The following TET1 variants were observed in gnomAD, a reference collection of about 807,000 sequenced individuals.
TET1 encodes tet methylcytosine dioxygenase 1.
TET1 carries 13 observed loss-of-function variants against 148.7 expected under a neutral mutation model. That is an observed-to-expected ratio of 0.09 (90% confidence interval 0.06 to 0.14). TET1 has a LOEUF of 0.14. TET1 is among the 10% of genes least tolerant of loss of function. The pLI is 1.00. For synonymous variants in TET1, 907 were observed against 937.2 expected (o/e 0.97, Z 0.59); for missense variants, 2,182 against 2,553.8 (o/e 0.85, Z 3.14).
intron 3 of TET1, among the ~76,000 whole-genome samples, chr10:68,632,191 G>C (rs1269192725): frequency 6.6e-6 from 1 of 151,882 alleles, no homozygotes; most frequent in South Asian, 2.1e-4. Context: ...GCGTGGTGGC[G>C]GGCGCCTGTA....
At position 68,626,092 on chromosome 10, in the gene TET1, AAAAAAG is replaced by A. The variant is rs1365253890; in HGVS notation, c.1969-18600_1969-18595del. ...GAGTAAGAACGAGACCCTATCTCAA[AAAAAAG>A]AAAAAAAAAAAGAAAAGAAAAAGAA... On this transcript the variant is annotated intron_variant, in intron 3 of 11. Coordinates refer to ENST00000373644, the MANE Select transcript of TET1 (RefSeq NM_030625.3). 1.5e-3 allele frequency among the ~76,000 whole-genome samples: 133 copies of A among 91,286 alleles called. 3 individuals are homozygous for A. The highest frequency in any genetic ancestry group is 5.1e-3 in the African/African-American group (128 of 24,860). The allele number at this position is 91,286 out of a possible 152,430, so 59.9% of individuals were successfully genotyped here.
intron 1 of TET1, among the ~76,000 whole-genome samples, chr10:68,566,269 G>A (rs1343101075): frequency 2.6e-5 from 4 of 152,274 alleles, no homozygotes; most frequent in African/African-American, 7.2e-5. Flanking sequence ...TGATACAAGA[G>A]AGAAAGCATG....
intron 2 of TET1, among the ~76,000 whole-genome samples, chr10:68,586,517 T>C (rs1564954808): frequency 6.6e-6 from 1 of 150,924 alleles, no homozygotes; most frequent in African/African-American, 2.4e-5. Context: ...TTATTTTTTG[T>C]AGAAATGTGA....
Position 68,646,896 on chromosome 10 carries a change from C to T in TET1, c.4167C>T (p.Asp1389=), listed in dbSNP as rs767278262. The T allele has an allele frequency of 9.3e-6, 15 of 1,614,034 alleles. No homozygotes were observed. The highest frequency in any genetic ancestry group is 8.5e-7 in the Non-Finnish European group (1 of 1,180,036). The change falls in exon 4 of 12, where the codon GAC becomes GAT. Residue 1389 remains aspartate (D), a synonymous_variant. Coordinates refer to ENST00000373644, the MANE Select transcript of TET1 (RefSeq NM_030625.3). ...SFGTSEFSTV[D]SAQKNFNDYA... ...GAACATCAGAATTTTCCACAGTGGA[C>T]AGTGCACAGAAAAATTTTAATGATT...
In TET1 at chr10:68,686,715, C is replaced by T; in HGVS notation, c.5404+8C>T. The T allele has an allele frequency of 6.2e-7, 1 of 1,603,856 alleles. No homozygotes were observed. Among genetic ancestry groups the T allele is most frequent in the South Asian group, 1.1e-5 (1 of 89,754 alleles). On this transcript the variant is annotated splice_region_variant and intron_variant, in intron 11 of 11. Coordinates refer to ENST00000373644, the MANE Select transcript of TET1 (RefSeq NM_030625.3). ...CGTCACTGCCAACCTTAGGTGAGCC[C>T]TATGGAACCTGGTAATCTCTGCACA...
intron 6 of TET1, among the ~76,000 whole-genome samples, chr10:68,666,310 A>G (rs1366581800): frequency 6.6e-6 from 1 of 152,236 alleles, no homozygotes; most frequent in Non-Finnish European, 1.5e-5. Flanking sequence ...CATATAATGC[A>G]TCCTTCCAAT....
chr10:68,681,558 G>A, intron 9 of TET1, 70 bp downstream of exon 9: 3 of 1,015,420 alleles, frequency 3.0e-6, no homozygotes, highest in Non-Finnish European at 4.5e-6. Flanking sequence ...TGCCCAGGCA[G>A]CAGTACAGTG....
intron 3 of TET1, among the ~76,000 whole-genome samples, chr10:68,633,778 C>T (rs1294763501): frequency 6.6e-6 from 1 of 151,854 alleles, no homozygotes; most frequent in Non-Finnish European, 1.5e-5. Context: ...TCTTAGTCTC[C>T]CAGTTATATG....
chr10:68,591,580 T>C (rs2664444), intron 2 of TET1, among the ~76,000 whole-genome samples: 7,081 of 152,262 alleles, frequency 0.047, 206 homozygotes, highest in South Asian at 0.083. Flanking sequence ...AAGCCTTTTC[T>C]GAATAACTGG....
At chr10:68,564,701 C>T (rs549496323) in intron 1 of TET1, among the ~76,000 whole-genome samples, 2 of 152,200 alleles carry the variant, frequency 1.3e-5, no homozygotes, top group African/African-American at 2.4e-5. Flanking sequence ...AGCACTTTCA[C>T]TGACTCTTGA....
chr10:68,625,212 C>T (rs1024880993), intron 3 of TET1, among the ~76,000 whole-genome samples: 16 of 152,260 alleles, frequency 1.1e-4, no homozygotes, highest in African/African-American at 2.4e-4. Context: ...CAAGTTTGCC[C>T]GCTCCTGGCA....
At chr10:68,591,060 G>C (rs1044113832) in intron 2 of TET1, among the ~76,000 whole-genome samples, 2 of 152,034 alleles carry the variant, frequency 1.3e-5, no homozygotes, top group African/African-American at 4.8e-5. Context: ...TCTTCATGTT[G>C]GTCAGGCTGG....
intron 3 of TET1, among the ~76,000 whole-genome samples, chr10:68,627,969 C>T (rs1277236014): frequency 1.3e-5 from 2 of 151,874 alleles, no homozygotes; most frequent in Non-Finnish European, 2.9e-5. Context: ...CTGCCGTGCC[C>T]GGCCCCCAAA....
In TET1 at chr10:68,682,991, T is replaced by C; in HGVS notation, c.5052+18T>C. On this transcript the variant is annotated intron_variant, in intron 10 of 11. Transcript: ENST00000373644. ...GCACTGTGGTATGTACCTGTGTGAA[T>C]TTGTATTCTAAAAGCTCCATCACTA... The C allele has an allele frequency of 5.6e-6, 9 of 1,611,790 alleles. No homozygotes were observed. Among genetic ancestry groups the C allele is most frequent in the Non-Finnish European group, 7.6e-6 (9 of 1,179,598 alleles).
rs2054563424 is a variant in TET1 at position 68,631,163 on chromosome 10, CAAACTTTGTCACAAAAAACA to C, written c.1969-13530_1969-13511del. 2.0e-5 allele frequency among the ~76,000 whole-genome samples: 3 copies of C among 152,198 alleles called. No homozygotes were observed. In the East Asian group the frequency reaches 5.8e-4, roughly 29 times the overall value. On this transcript the variant is annotated intron_variant, in intron 3 of 11. Coordinates refer to ENST00000373644, the MANE Select transcript of TET1 (RefSeq NM_030625.3). The stretch of plus-strand genomic sequence containing the variant: ...TGAATTCCAGCCTAGGCAATAGTGC[CAAACTTTGTCACAAAAAACA>C]AAACAAAACAAAAGAAATATATTAA...
At chr10:68,599,701 C>G (rs2054030206) in intron 2 of TET1, among the ~76,000 whole-genome samples, 1 of 152,158 alleles carries the variant, frequency 6.6e-6, no homozygotes, top group Non-Finnish European at 1.5e-5. Context: ...TGGGGACTTG[C>G]TTGGCAGGTC....
intron 2 of TET1, among the ~76,000 whole-genome samples, chr10:68,579,365 C>A (rs534182625): frequency 1.3e-5 from 2 of 152,370 alleles, no homozygotes; most frequent in South Asian, 4.1e-4. Context: ...CATCCAAATT[C>A]TCTTGTTCTA....
chr10:68,626,105 A>AG (rs1245286422), intron 3 of TET1, among the ~76,000 whole-genome samples: 13 of 87,196 alleles, frequency 1.5e-4, no homozygotes, highest in African/African-American at 3.8e-4. Flanking sequence ...AAAGAAAAAA[A>AG]AAAAGAAAAG....
At chr10:68,626,292 G>A (rs968716985) in intron 3 of TET1, among the ~76,000 whole-genome samples, 2 of 151,238 alleles carry the variant, frequency 1.3e-5, no homozygotes, top group African/African-American at 4.9e-5. Flanking sequence ...TTGGACACAA[G>A]GTCTCATTCT....
Sources: allele counts gnomAD v4.1 joint callset (sites outside exome capture counted in the v4.1 genomes callset), GRCh38; gene constraint gnomAD v4.1.1; transcripts MANE v1.5; gene names NCBI Gene and HGNC (gene_info 2026-07-23, HGNC 2026-07-21).